Variants in PRUNE2 observed in about 807,000 individuals in gnomAD.
PRUNE2 encodes the protein prune homolog 2 with BCH domain, also known as protein prune homolog 2.
PRUNE2 carries 164 observed loss-of-function variants against 252.0 expected under a neutral mutation model. The ratio of observed to expected loss-of-function variants is 0.65; its 90% CI spans 0.57 to 0.74. PRUNE2 has a LOEUF of 0.74. PRUNE2 is among the 30% of genes least tolerant of loss of function. The probability of loss-of-function intolerance (pLI) is 0.00; values close to 1 mark genes in which losing one functional copy is unlikely to be tolerated. For synonymous variants in PRUNE2, 1,292 were observed against 1,350.2 expected (o/e 0.96, Z 0.94); for missense variants, 3,495 against 3,711.0 (o/e 0.94, Z 1.51).
intron 6 of PRUNE2, among the ~76,000 whole-genome samples, chr9:76,735,287 T>C (rs1248675751): frequency 1.3e-5 from 2 of 152,216 alleles, no homozygotes; most frequent in Non-Finnish European, 1.5e-5. Flanking sequence ...CTACTGATTA[T>C]AATCAGAGAA....
intron 1 of PRUNE2, among the ~76,000 whole-genome samples, chr9:76,877,025 T>C (rs1267505685): frequency 6.6e-6 from 1 of 152,166 alleles, no homozygotes; most frequent in Non-Finnish European, 1.5e-5. Flanking sequence ...GTCTTTGATC[T>C]AGATATATGT....
At chr9:76,783,288 C>A in intron 6 of PRUNE2, among the ~76,000 whole-genome samples, 1 of 152,180 alleles carries the variant, frequency 6.6e-6, no homozygotes, top group East Asian at 1.9e-4. Context: ...AGGCATGCAC[C>A]AGCACGCCCA....
intron 6 of PRUNE2, among the ~76,000 whole-genome samples, chr9:76,776,499 C>CTTT (rs58566943): frequency 7.3e-6 from 1 of 136,472 alleles, no homozygotes; most frequent in Admixed American, 7.4e-5. Flanking sequence ...ACCACATTTT[C>CTTT]TTTTTTTTTT....
intron 15 of PRUNE2, among the ~76,000 whole-genome samples, chr9:76,634,076 C>T (rs964581641): frequency 2.0e-5 from 3 of 152,302 alleles, no homozygotes; most frequent in Admixed American, 2.0e-4. Context: ...CGTGCCACTG[C>T]ACTCCAGCCT....
chr9:76,750,687 C>T (rs1390158448), intron 6 of PRUNE2, among the ~76,000 whole-genome samples: 1 of 152,050 alleles, frequency 6.6e-6, no homozygotes, highest in Non-Finnish European at 1.5e-5. Context: ...CTGGGTAAGA[C>T]AAAAGGAGGT....
chr9:76,812,853 A>G (rs2057448397), intron 6 of PRUNE2, among the ~76,000 whole-genome samples: 1 of 152,216 alleles, frequency 6.6e-6, no homozygotes, highest in Non-Finnish European at 1.5e-5. Flanking sequence ...GCAAGAGCTG[A>G]CTGTTAAATT....
chr9:76,809,464 G>A (rs1413638604), intron 6 of PRUNE2, among the ~76,000 whole-genome samples: 1 of 152,230 alleles, frequency 6.6e-6, no homozygotes, highest in African/African-American at 2.4e-5. Flanking sequence ...TTCAGAGGCT[G>A]AGGTGGGTGG....
Position 76,709,100 on chromosome 9 carries a change from C to T in PRUNE2, c.3174G>A (p.Glu1058=), listed in dbSNP as rs1009843521. Residue 1058 remains glutamate, a synonymous_variant, in exon 8 of 19, where the codon GAG becomes GAA. Coordinates refer to ENST00000376718, the MANE Select transcript of PRUNE2 (RefSeq NM_015225.3). The stretch of plus-strand genomic sequence containing the variant: ...TGGAGATATTCTTACCATCTGTGTG[C>T]TCTGTCTTGAGTTCATTTTCATCCA... ...HNLDENELKT[E]HTDGKNISME... 1.7e-5 allele frequency: 27 copies of T among 1,613,980 alleles called. No homozygotes were observed. Among genetic ancestry groups the T allele is most frequent in the Non-Finnish European group, 2.3e-5 (27 of 1,179,884 alleles).
At chr9:76,808,035 T>C (rs1424078306) in intron 6 of PRUNE2, among the ~76,000 whole-genome samples, 1 of 151,738 alleles carries the variant, frequency 6.6e-6, no homozygotes, top group Non-Finnish European at 1.5e-5. Context: ...AAAATGAGCT[T>C]GGTGTGGCGG....
In PRUNE2 at chr9:76,704,981, A is replaced by C. The variant is rs1260208143; in HGVS notation, c.7293T>G (p.Leu2431=). ...SLGCRAAEIV[L]SALPDRRSEG... ...CACTTCTTCGATCAGGAAGTGCAGA[A>C]AGCACTATCTCTGCTGCTCTGCATC... Residue 2431 remains leucine, a synonymous_variant, in exon 8 of 19, where the codon CTT becomes CTG. Transcript: ENST00000376718. 6 of 1,613,560 alleles carry C rather than the reference A, an allele frequency of 3.7e-6. No individual in the cohort carries two copies. In the African/African-American group the frequency reaches 8.0e-5, roughly 22 times the overall value.
At chr9:76,619,192 A>G (rs951993335) in intron 18 of PRUNE2, 148 bp downstream of exon 18, 8 of 583,106 alleles carry the variant, frequency 1.4e-5, no homozygotes, top group Non-Finnish European at 2.1e-5. Flanking sequence ...TGGCAAATAT[A>G]GCTTCAGGTT....
In PRUNE2 at chr9:76,840,209, A is replaced by G. The variant is rs550855758; in HGVS notation, c.508+6306T>C. Among the ~76,000 whole-genome samples the G allele has an allele frequency of 1.8e-4, 28 of 152,372 alleles. 1 individual carries two copies. The South Asian group carries it at 5.8e-3, about 32-fold the overall frequency. On this transcript the variant is annotated intron_variant, in intron 4 of 18. Coordinates refer to ENST00000376718, the MANE Select transcript of PRUNE2 (RefSeq NM_015225.3). ...GGCACCCAACACTTAGCAACTGAGC[A>G]GAGGAAAAGGAGCTAACAAGTAAGA...
intron 9 of PRUNE2, among the ~76,000 whole-genome samples, chr9:76,677,152 A>G (rs1323305884): frequency 2.0e-5 from 3 of 152,200 alleles, no homozygotes; most frequent in African/African-American, 4.8e-5. Flanking sequence ...CAATATCTGC[A>G]GTCTGTTTTC....
At chr9:76,827,826 C>T (rs865792589) in intron 4 of PRUNE2, among the ~76,000 whole-genome samples, 2 of 152,138 alleles carry the variant, frequency 1.3e-5, no homozygotes, top group Non-Finnish European at 2.9e-5. Context: ...ATTTTTAAAA[C>T]AGGAATAATA....
intron 10 of PRUNE2, among the ~76,000 whole-genome samples, chr9:76,653,726 G>A (rs1427111626): frequency 6.6e-6 from 1 of 150,754 alleles, no homozygotes; most frequent in Non-Finnish European, 1.5e-5. Flanking sequence ...CCCTTTACCT[G>A]GCCGAAGTAT....
intron 11 of PRUNE2, among the ~76,000 whole-genome samples, chr9:76,649,467 T>C (rs1242387399): frequency 6.6e-6 from 1 of 152,136 alleles, no homozygotes; most frequent in African/African-American, 2.4e-5. Flanking sequence ...ATGCCTGTAG[T>C]CCCAGCTACT....
intron 16 of PRUNE2, chr9:76,624,915 A>G (rs542593907): frequency 2.6e-5 from 16 of 614,790 alleles, no homozygotes; most frequent in Admixed American, 1.0e-4. Context: ...CATACAAAAG[A>G]CTGATACAGT....
At chr9:76,657,543 T>C (rs1283771666) in intron 9 of PRUNE2, among the ~76,000 whole-genome samples, 1 of 152,192 alleles carries the variant, frequency 6.6e-6, no homozygotes, top group African/African-American at 2.4e-5. Context: ...TAGTTCTGAG[T>C]TATAGTTCTG....
At chr9:76,723,965 G>A in intron 6 of PRUNE2, among the ~76,000 whole-genome samples, 1 of 151,132 alleles carries the variant, frequency 6.6e-6, no homozygotes, top group Non-Finnish European at 1.5e-5. Context: ...CTGCTACCAC[G>A]CTCGGCTAAC....
Sources: allele counts gnomAD v4.1 joint callset (sites outside exome capture counted in the v4.1 genomes callset), GRCh38; gene constraint gnomAD v4.1.1; transcripts MANE v1.5; gene names NCBI Gene and HGNC (gene_info 2026-07-23, HGNC 2026-07-21).